DEF6: variants seen among roughly 807,000 people sequenced by gnomAD.
DEF6 encodes differentially expressed in FDCP 6 homolog.
A neutral mutation model predicts 80.5 loss-of-function variants in DEF6; 32 were observed. The ratio of observed to expected loss-of-function variants is 0.40; its 90% CI spans 0.30 to 0.53. The LOEUF is 0.53. Ranked by LOEUF, DEF6 falls within the 20% of genes least tolerant of loss-of-function variation. The pLI, the probability that DEF6 is intolerant of heterozygous loss-of-function variation, is 0.57. For synonymous variants in DEF6, 300 were observed against 337.9 expected, an observed-to-expected ratio of 0.89 and a Z score of 1.23; for missense variants, 575 against 818.7, an observed-to-expected ratio of 0.70 and a Z score of 3.63.
Position 35,321,570 on chromosome 6 carries a change from C to CA in DEF6, c.*161dup. The CA allele has an allele frequency of 1.6e-6, 1 of 629,772 alleles. No homozygotes were observed. Among genetic ancestry groups the CA allele is most frequent in the Non-Finnish European group, 2.7e-6 (1 of 368,380 alleles). The allele number at this position is 629,772 out of a possible 1,614,324, so 39.0% of individuals were successfully genotyped here. A position where few individuals can be genotyped will look rare whatever the true frequency, so the allele number is the denominator to read the frequency against. On this transcript the variant is annotated 3_prime_UTR_variant, in exon 11 of 11. Transcript: ENST00000316637. ...AAACAGTCCAGGATGGAACCTGGTT[C>CA]ACCCTTCATACCAGCTCCAAGCCCC...
At chr6:35,298,386 T>C (rs1356136669) in intron 1 of DEF6, among the ~76,000 whole-genome samples, 1 of 152,068 alleles carries the variant, frequency 6.6e-6, no homozygotes, top group African/African-American at 2.4e-5. Flanking sequence ...TCATTTCCTC[T>C]GGAGCTGAGA....
At position 35,318,246 on chromosome 6, in the gene DEF6, CGAGCAGCGG is replaced by C. The variant is rs781078093; in HGVS notation, c.1004_1012del (p.Gln335_Glu337del). On this transcript the variant is annotated inframe_deletion, in exon 7 of 11. Transcript: ENST00000316637. The surrounding 1 kb of genome is among the most constrained non-coding windows in gnomAD (Gnocchi z 5.1). ...ACAAGGACCTGAAGCAGAAACGGCG[CGAGCAGCGG>C]GAGCAGCGGGAGCGGCGCCGGGCGG... is the stretch of plus-strand genomic sequence containing the variant. 4.1e-5 allele frequency: 66 copies of C among 1,592,412 alleles called. No individual in the cohort carries two copies. Among genetic ancestry groups the C allele is most frequent in the Non-Finnish European group, 5.0e-5 (58 of 1,170,682 alleles).
At chr6:35,309,413 C>A (rs1265784799) in intron 1 of DEF6, among the ~76,000 whole-genome samples, 2 of 152,196 alleles carry the variant, frequency 1.3e-5, no homozygotes, top group African/African-American at 4.8e-5. Context: ...TGAGAAATAT[C>A]TCAGGGCTGC....
chr6:35,313,682 C>T (rs1317367117), intron 5 of DEF6, among the ~76,000 whole-genome samples: 1 of 152,222 alleles, frequency 6.6e-6, no homozygotes, highest in Non-Finnish European at 1.5e-5. Flanking sequence ...TTAGCTCCCA[C>T]ATGTAAGTGA....
At chr6:35,298,413 GC>G (rs1325163854) in intron 1 of DEF6, among the ~76,000 whole-genome samples, 3 of 152,268 alleles carry the variant, frequency 2.0e-5, no homozygotes, top group Admixed American at 6.5e-5. Context: ...TAAAGGGGCC[GC>G]CCCCAGTCCC....
At position 35,321,731 on chromosome 6, in the gene DEF6, G is replaced by A. The variant is rs1791597072; in HGVS notation, c.*321G>A. 1 of 258,148 alleles carries A rather than the reference G, an allele frequency of 3.9e-6. No homozygotes were observed. Among genetic ancestry groups the A allele is most frequent in the Non-Finnish European group, 7.3e-6 (1 of 136,796 alleles). The allele number at this position is 258,148 out of a possible 1,614,324, so 16.0% of individuals were successfully genotyped here. ...CCTGCCCCCAGGTGGCCACCAAGTT[G>A]TGGAAGCACATTTCTAAATAAAAAC... On this transcript the variant is annotated 3_prime_UTR_variant, in exon 11 of 11. Transcript: ENST00000316637.
Position 35,321,326 on chromosome 6 carries a change from G to A in DEF6, c.1812G>A (p.Gln604=). Residue 604 remains glutamine, a synonymous_variant, in exon 11 of 11, where the codon CAG becomes CAA. Coordinates refer to ENST00000316637, the MANE Select transcript of DEF6 (RefSeq NM_022047.4). The stretch of plus-strand genomic sequence containing the variant: ...CCTCGCCCAACAGCAATGAGCAGCA[G>A]AAGTCCCTCAATGGTGGGGATGAGG... ...RTPSPNSNEQ[Q]KSLNGGDEAP... The A allele has an allele frequency of 6.2e-7, 1 of 1,614,124 alleles. No homozygotes were observed. Among genetic ancestry groups the A allele is most frequent in the Non-Finnish European group, 8.5e-7 (1 of 1,180,018 alleles).
intron 1 of DEF6, among the ~76,000 whole-genome samples, chr6:35,308,727 T>TAAAATA (rs1339981712): frequency 1.7e-5 from 2 of 118,524 alleles, no homozygotes; most frequent in South Asian, 2.7e-4. Context: ...TAAAATAAAA[T>TAAAATA]AAATAAAATA....
chr6:35,309,569 G>C (rs1791436607), intron 1 of DEF6, 101 bp from the exon 2 acceptor site: 17 of 1,405,986 alleles, frequency 1.2e-5, no homozygotes, highest in Middle Eastern at 1.9e-4. Flanking sequence ...AGAGAACTCA[G>C]CCAGGATGGG....
chr6:35,312,162 A>G lies in DEF6; in HGVS notation c.424-140A>G. The G allele has an allele frequency of 2.9e-6, 2 of 691,418 alleles. No individual in the cohort carries two copies. Among genetic ancestry groups the G allele is most frequent in the Non-Finnish European group, 2.4e-6 (1 of 415,938 alleles). 42.8% of individuals were successfully genotyped at this position (691,418 alleles called of 1,614,324 possible). A position where few individuals can be genotyped will look rare whatever the true frequency, so the allele number is the denominator to read the frequency against. On this transcript the variant is annotated intron_variant, in intron 3 of 10. Transcript: ENST00000316637. This position sits in a 1 kb window ranked among gnomAD's most constrained non-coding sequence, Gnocchi z 6.6. ...CAGGTCTTTTCCCTGGCTCCATAAC[A>G]TTCGGTCCTCTGGCCCCCTCAACGC...
Position 35,312,817 on chromosome 6 carries a change from G to A in DEF6, c.807+45G>A. 6.3e-7 allele frequency: 1 copy of A among 1,576,466 alleles called. No homozygotes were observed. The highest frequency in any genetic ancestry group is 8.6e-7 in the Non-Finnish European group (1 of 1,158,222). On this transcript the variant is annotated intron_variant, in intron 5 of 10. Coordinates refer to ENST00000316637, the MANE Select transcript of DEF6 (RefSeq NM_022047.4). This position sits in a 1 kb window ranked among gnomAD's most constrained non-coding sequence, Gnocchi z 6.6. Reference sequence around the variant, plus strand: ...TGGAGGACATCTCAGGGCCCAGAGTGTCCTCAGGGGCATGAGAAGACAAGG... The same window carrying A: ...TGGAGGACATCTCAGGGCCCAGAGTATCCTCAGGGGCATGAGAAGACAAGG...
intron 3 of DEF6, among the ~76,000 whole-genome samples, chr6:35,311,318 C>G (rs1264631018): frequency 1.3e-5 from 2 of 152,126 alleles, no homozygotes; most frequent in East Asian, 3.9e-4. Flanking sequence ...GCCAGGGTGA[C>G]TTTAGGTCTT....
intron 1 of DEF6, among the ~76,000 whole-genome samples, chr6:35,303,237 G>A (rs1791340355): frequency 6.6e-6 from 1 of 152,196 alleles, no homozygotes; most frequent in Non-Finnish European, 1.5e-5. Flanking sequence ...AAGTGCAGGT[G>A]AGGTGCAGGT....
At chr6:35,315,373 T>G (rs1791513093) in intron 5 of DEF6, among the ~76,000 whole-genome samples, 1 of 152,124 alleles carries the variant, frequency 6.6e-6, no homozygotes, top group Admixed American at 6.5e-5. Flanking sequence ...TATTTTGAAG[T>G]CAGGAAATGT....
At position 35,297,910 on chromosome 6, in the gene DEF6, G is replaced by A. The variant is rs751210647; in HGVS notation, c.54G>A (p.Leu18=). The change falls in exon 1 of 11, where the codon CTG becomes CTA. Residue 18 remains leucine (L), a synonymous_variant. Transcript: ENST00000316637. Reference sequence around the variant, plus strand: ...CCATCTGGTACGCCTTTACCGCGCTGGACGTGGAGAAGAGTGGCAAAGTCT... The same window carrying A: ...CCATCTGGTACGCCTTTACCGCGCTAGACGTGGAGAAGAGTGGCAAAGTCT... ...LKSIWYAFTA[L]DVEKSGKVSK... 2.1e-5 allele frequency: 33 copies of A among 1,607,876 alleles called. 2 individuals carry two copies. The South Asian group carries it at 3.5e-4, about 17-fold the overall frequency.
At chr6:35,306,509 C>G (rs1335783002) in intron 1 of DEF6, among the ~76,000 whole-genome samples, 2 of 148,816 alleles carry the variant, frequency 1.3e-5, no homozygotes, top group Admixed American at 6.7e-5. Flanking sequence ...GAAATTCTGT[C>G]TTAAAAAAAA....
At chr6:35,317,803 C>A in intron 5 of DEF6, 88 bp from the exon 6 acceptor site, 1 of 1,148,334 alleles carries the variant, frequency 8.7e-7, no homozygotes, top group Non-Finnish European at 1.2e-6. Context: ...GCCAGGAGGG[C>A]TAGGGGCTTG....
rs1382547389 is a variant in DEF6, at chr6:35,317,879, A to G, written c.808-12A>G. On this transcript the variant is annotated splice_polypyrimidine_tract_variant and intron_variant, in intron 5 of 10. Coordinates refer to ENST00000316637, the MANE Select transcript of DEF6 (RefSeq NM_022047.4). ...GAGGCCAGCCTGGCTGCGGCCACCT[A>G]CCCTGTGCCAGGTGCTGCCAGACCG... 1 of 1,611,318 alleles carries G rather than the reference A, an allele frequency of 6.2e-7. No individual in the cohort carries two copies. The highest frequency in any genetic ancestry group is 1.3e-5 in the African/African-American group (1 of 74,994).
At chr6:35,317,779 C>T (rs1432213541) in intron 5 of DEF6, 112 bp from the exon 6 acceptor site, 5 of 843,856 alleles carry the variant, frequency 5.9e-6, no homozygotes, top group Non-Finnish European at 9.0e-6. Context: ...AGAGTGGGGT[C>T]CCCAGGGAAG....
Sources: gnomAD v4.1 joint callset for allele counts (sites outside exome capture counted in the v4.1 genomes callset) on GRCh38, gnomAD v4.1.1 for gene constraint, Gnocchi (gnomAD v3.1) non-coding constraint, MANE v1.5 for transcripts, NCBI Gene and HGNC (gene_info 2026-07-23, HGNC 2026-07-21) for gene names.